The following DPP10 variants were observed in gnomAD, a reference collection of about 807,000 sequenced individuals.
DPP10 encodes dipeptidyl peptidase like 10, also known as inactive dipeptidyl peptidase 10.
A neutral mutation model predicts 120.9 loss-of-function variants in DPP10; 33 were observed. The observed-to-expected ratio is 0.27, with a 90% CI of 0.21 to 0.37. The LOEUF (loss-of-function observed/expected upper bound fraction) is 0.37, where lower values mean the gene tolerates loss of function less well. DPP10 is among the 10% of genes least tolerant of loss of function. The pLI is 1.00. For missense variants in DPP10, 816 were observed against 942.8 expected (o/e 0.87, Z 1.76); for synonymous variants, 337 against 326.1 (o/e 1.03, Z -0.36).
intron 1 of DPP10, among the ~76,000 whole-genome samples, chr2:114,771,391 A>G (rs765534544): frequency 8.5e-5 from 13 of 152,124 alleles, no homozygotes; most frequent in African/African-American, 1.4e-4. Context: ...CCACCTGAAC[A>G]TCCCTCGTTG....
At chr2:115,190,830 G>C (rs1341870830) in intron 1 of DPP10, among the ~76,000 whole-genome samples, 5 of 152,196 alleles carry the variant, frequency 3.3e-5, no homozygotes, top group Non-Finnish European at 7.3e-5. Flanking sequence ...TTTAGCGTGC[G>C]AACAGAATAT....
At chr2:114,975,759 T>C (rs531603888) in intron 1 of DPP10, among the ~76,000 whole-genome samples, 1 of 152,256 alleles carries the variant, frequency 6.6e-6, no homozygotes, top group African/African-American at 2.4e-5. Context: ...CAAGCAATTC[T>C]CCTGCCTCAG....
chr2:115,502,886 T>A (rs1575036138), intron 4 of DPP10, among the ~76,000 whole-genome samples: 1 of 139,076 alleles, frequency 7.2e-6, no homozygotes, highest in African/African-American at 2.6e-5. Flanking sequence ...TTTTTTTTTT[T>A]AGAAATGGAG....
At chr2:114,936,935 G>A (rs1696531406) in intron 1 of DPP10, among the ~76,000 whole-genome samples, 1 of 152,038 alleles carries the variant, frequency 6.6e-6, no homozygotes, top group African/African-American at 2.4e-5. Flanking sequence ...TCTTTGGTGG[G>A]ACTGTCTGGT....
chr2:114,601,916 T>C (rs938289528), intron 1 of DPP10, among the ~76,000 whole-genome samples: 1 of 151,976 alleles, frequency 6.6e-6, no homozygotes, highest in Admixed American at 6.6e-5. Context: ...TTCAAGGCTT[T>C]AATAAATGAG....
intron 3 of DPP10, among the ~76,000 whole-genome samples, chr2:115,400,697 A>G (rs1574715859): frequency 6.6e-6 from 1 of 152,210 alleles, no homozygotes; most frequent in African/African-American, 2.4e-5. Context: ...ACAACATTTC[A>G]AGGCACATAT....
At chr2:115,482,477 C>A (rs999342878) in intron 3 of DPP10, among the ~76,000 whole-genome samples, 3 of 152,006 alleles carry the variant, frequency 2.0e-5, no homozygotes, top group African/African-American at 7.2e-5. Flanking sequence ...CATTGCTGTT[C>A]ATTTCTGAAA....
chr2:115,452,738 C>G (rs2073206820), intron 3 of DPP10, among the ~76,000 whole-genome samples: 1 of 151,782 alleles, frequency 6.6e-6, no homozygotes, highest in African/African-American at 2.4e-5. Context: ...CCAACTTTCT[C>G]TATGACATAA....
At chr2:115,836,359 A>G in intron 22 of DPP10, 103 bp downstream of exon 22, 1 of 1,373,012 alleles carries the variant, frequency 7.3e-7, no homozygotes, top group Non-Finnish European at 1.0e-6. Flanking sequence ...ATATGTTATT[A>G]GAGCCTGTTT....
intron 1 of DPP10, among the ~76,000 whole-genome samples, chr2:115,298,657 T>A (rs1191771271): frequency 6.6e-6 from 1 of 152,054 alleles, no homozygotes; most frequent in Non-Finnish European, 1.5e-5. Context: ...CCTTGGGGAC[T>A]GTTTCCCAGA....
chr2:114,910,789 A>G (rs1375790069), intron 1 of DPP10, among the ~76,000 whole-genome samples: 1 of 152,176 alleles, frequency 6.6e-6, no homozygotes, highest in Non-Finnish European at 1.5e-5. Flanking sequence ...AAAAAAATCC[A>G]GCACTATTTG....
At chr2:115,511,050 A>AT (rs1478613763) in intron 4 of DPP10, among the ~76,000 whole-genome samples, 4 of 152,126 alleles carry the variant, frequency 2.6e-5, no homozygotes, top group Non-Finnish European at 4.4e-5. Context: ...AGGGGTTATC[A>AT]GTCTGTAGCT....
intron 22 of DPP10, 65 bp from the exon 23 acceptor site, chr2:115,836,442 T>C: frequency 2.6e-6 from 4 of 1,555,322 alleles, no homozygotes; most frequent in Non-Finnish European, 3.5e-6. Flanking sequence ...ATGAAGAAAT[T>C]AATGAAATAT....
At chr2:115,558,962 G>A (rs948565851) in intron 5 of DPP10, among the ~76,000 whole-genome samples, 5 of 152,248 alleles carry the variant, frequency 3.3e-5, no homozygotes, top group South Asian at 2.1e-4. Flanking sequence ...TGAATTGCCC[G>A]CAGTGAGCTA....
At chr2:114,884,561 G>A (rs1334772520) in intron 1 of DPP10, among the ~76,000 whole-genome samples, 1 of 151,934 alleles carries the variant, frequency 6.6e-6, no homozygotes, top group Non-Finnish European at 1.5e-5. Flanking sequence ...CCACGTTTAT[G>A]TTTTTTTATT....
chr2:114,836,924 G>A (rs1413432926), intron 1 of DPP10, among the ~76,000 whole-genome samples: 2 of 152,180 alleles, frequency 1.3e-5, no homozygotes, highest in East Asian at 1.9e-4. Flanking sequence ...ATATGGCTCT[G>A]TTCCACCCGG....
chr2:115,800,380 T>C (rs140926925), intron 19 of DPP10, among the ~76,000 whole-genome samples: 907 of 116,344 alleles, frequency 7.8e-3, no homozygotes, highest in South Asian at 0.011. Flanking sequence ...TCCCATTCTG[T>C]AGGTTGCCTG....
At chr2:115,332,923 T>C (rs903383968) in intron 2 of DPP10, among the ~76,000 whole-genome samples, 1 of 152,198 alleles carries the variant, frequency 6.6e-6, no homozygotes, top group Admixed American at 6.5e-5. Context: ...GAGAGTTCTG[T>C]AGATGTCTAT....
chr2:114,523,972 T>C (rs1685282371), intron 1 of DPP10, among the ~76,000 whole-genome samples: 1 of 152,226 alleles, frequency 6.6e-6, no homozygotes, highest in Admixed American at 6.5e-5. Context: ...AAGATGAGAC[T>C]AGAAAGACAT....
Sources: allele counts gnomAD v4.1 joint callset (sites outside exome capture counted in the v4.1 genomes callset), GRCh38; gene constraint gnomAD v4.1.1; transcripts MANE v1.5; gene names NCBI Gene and HGNC (gene_info 2026-07-23, HGNC 2026-07-21).